MYOF: variants seen among roughly 807,000 people sequenced by gnomAD.
MYOF encodes fer-1-like 3, myoferlin.
In MYOF, 244 loss-of-function variants were observed where a neutral mutation model predicts 284.2. The observed-to-expected ratio is 0.86, with a 90% CI of 0.77 to 0.95. The LOEUF is 0.95. MYOF is among the 40% of genes least tolerant of loss of function. The probability of loss-of-function intolerance (pLI) is 0.00; values close to 1 mark genes in which losing one functional copy is unlikely to be tolerated. For missense variants in MYOF, 2,496 were observed against 2,560.6 expected (o/e 0.97, Z 0.54); for synonymous variants, 904 against 919.7 (o/e 0.98, Z 0.31).
At chr10:93,343,768 T>A in intron 38 of MYOF, 88 bp downstream of exon 38, 1 of 1,338,392 alleles carries the variant, frequency 7.5e-7, no homozygotes, top group South Asian at 1.2e-5. Context: ...TGCAACAAAC[T>A]GTTGTTTGAC....
At position 93,333,745 on chromosome 10, in the gene MYOF, C is replaced by G; in HGVS notation, c.4719+13G>C. 1 of 1,613,360 alleles carries G rather than the reference C, an allele frequency of 6.2e-7. No homozygotes were observed. Among genetic ancestry groups the G allele is most frequent in the African/African-American group, 1.3e-5 (1 of 75,046 alleles). ...TCTTGCTACAGGAGAAGGCCCCACA[C>G]CCAAACTCTTACCAGGCCATTGTTG... On this transcript the variant is annotated intron_variant, in intron 42 of 53. Transcript: ENST00000359263.
rs1431308147 is a variant in MYOF, at chr10:93,349,994, G to A, written c.3922-25C>T. ...TCTATGAAAACGATTTAAAGAGAGG[G>A]GAAGGTAACTCAGCACTTTAAAAAT... On this transcript the variant is annotated intron_variant, in intron 35 of 53. Transcript: ENST00000359263. 6 of 1,604,518 alleles carry A rather than the reference G, an allele frequency of 3.7e-6. No homozygotes were observed. In the East Asian group the frequency reaches 1.1e-4, roughly 30 times the overall value.
rs748134478 is a variant in MYOF, at chr10:93,325,898, C to T, written c.5199G>A (p.Arg1733=). Residue 1733 remains arginine (R), a synonymous_variant, in exon 46 of 54, where the codon AGG becomes AGA. Transcript: ENST00000359263. ...CGTGCTCAGGGACCAGCCCCTGAGT[C>T]CTGAGGATGTGAAGAGCAAGCCGCT... The part of the protein sequence containing the change: ...PEERLALHIL[R]TQGLVPEHVE... 4 of 1,614,052 alleles carry T rather than the reference C, an allele frequency of 2.5e-6. No individual in the cohort carries two copies. The Admixed American group carries it at 6.7e-5, about 27-fold the overall frequency.
intron 25 of MYOF, 55 bp from the exon 26 acceptor site, chr10:93,366,610 C>A: frequency 1.4e-6 from 2 of 1,443,954 alleles, no homozygotes; most frequent in South Asian, 1.3e-5. Context: ...AAAAATAAAG[C>A]TAGCACATAC....
intron 5 of MYOF, among the ~76,000 whole-genome samples, chr10:93,421,909 T>C (rs1402371992): frequency 6.6e-6 from 1 of 152,046 alleles, no homozygotes; most frequent in Non-Finnish European, 1.5e-5. Flanking sequence ...TTGAAACATC[T>C]AGATAGTCGA....
intron 45 of MYOF, among the ~76,000 whole-genome samples, chr10:93,328,150 T>A (rs1439070857): frequency 1.3e-5 from 2 of 152,104 alleles, no homozygotes; most frequent in Non-Finnish European, 2.9e-5. Flanking sequence ...TTTGTTCAGC[T>A]CCCCCTGGAT....
chr10:93,456,518 G>A (rs2056747725), intron 2 of MYOF, among the ~76,000 whole-genome samples: 2 of 152,128 alleles, frequency 1.3e-5, no homozygotes, highest in African/African-American at 4.8e-5. Context: ...TTAATTATGA[G>A]GCCTTCCTTC....
intron 38 of MYOF, among the ~76,000 whole-genome samples, chr10:93,342,125 T>C (rs1306705764): frequency 6.6e-6 from 1 of 152,200 alleles, no homozygotes; most frequent in African/African-American, 2.4e-5. Context: ...CACAGAGTAA[T>C]GCCATGAGTT....
At chr10:93,407,267 A>T (rs1241316505) in intron 7 of MYOF, among the ~76,000 whole-genome samples, 1 of 151,736 alleles carries the variant, frequency 6.6e-6, no homozygotes, top group African/African-American at 2.4e-5. Flanking sequence ...CTTTACTAAA[A>T]ATACAAATAT....
intron 21 of MYOF, among the ~76,000 whole-genome samples, chr10:93,378,699 A>ATATATATATATATATATATG (rs1441321801): frequency 1.1e-5 from 1 of 93,314 alleles, no homozygotes; most frequent in African/African-American, 4.6e-5. Flanking sequence ...GTGTGTATAT[A>ATATATATATATATATATATG]TATATATATA....
intron 1 of MYOF, among the ~76,000 whole-genome samples, chr10:93,481,710 G>A (rs910688609): frequency 6.6e-6 from 1 of 152,182 alleles, no homozygotes; most frequent in Non-Finnish European, 1.5e-5. Context: ...AGGAGTAATG[G>A]TGTCTCCAAC....
chr10:93,406,789 G>A (rs1196545846), intron 7 of MYOF, among the ~76,000 whole-genome samples: 2 of 151,932 alleles, frequency 1.3e-5, no homozygotes, highest in Non-Finnish European at 2.9e-5. Context: ...TGAACGAAGA[G>A]GAAGAAATAG....
intron 37 of MYOF, among the ~76,000 whole-genome samples, chr10:93,346,676 A>G (rs1844195940): frequency 6.6e-6 from 1 of 152,246 alleles, no homozygotes; most frequent in Admixed American, 6.5e-5. Context: ...AAGCAATCTG[A>G]AATAAAATCT....
At chr10:93,333,951 G>A (rs561068673) in intron 41 of MYOF, 38 bp from the exon 42 acceptor site, 2 of 1,598,114 alleles carry the variant, frequency 1.3e-6, no homozygotes, top group South Asian at 2.3e-5. Flanking sequence ...AGGGCCCTGG[G>A]TGGCCCAGGT....
At chr10:93,446,064 A>G (rs991983726) in intron 3 of MYOF, among the ~76,000 whole-genome samples, 2 of 152,152 alleles carry the variant, frequency 1.3e-5, no homozygotes, top group Admixed American at 1.3e-4. Context: ...AGGTGTGTGT[A>G]TTGGTTAGTT....
chr10:93,401,171 A>T (rs867369091), intron 12 of MYOF, among the ~76,000 whole-genome samples: 10 of 152,278 alleles, frequency 6.6e-5, no homozygotes, highest in Middle Eastern at 3.4e-3. Flanking sequence ...TAGAATAGCA[A>T]GAGAGAGAGT....
At chr10:93,434,643 C>T (rs1041222031) in intron 3 of MYOF, among the ~76,000 whole-genome samples, 5 of 151,930 alleles carry the variant, frequency 3.3e-5, no homozygotes, top group African/African-American at 1.2e-4. Flanking sequence ...CTACATGTTA[C>T]AAAACCATAA....
chr10:93,435,084 C>T (rs915268716), intron 3 of MYOF, among the ~76,000 whole-genome samples: 1 of 152,098 alleles, frequency 6.6e-6, no homozygotes, highest in South Asian at 2.1e-4. Flanking sequence ...TGTCTAAATG[C>T]GATGAAAGAT....
intron 5 of MYOF, among the ~76,000 whole-genome samples, chr10:93,420,257 C>T (rs190808837): frequency 9.3e-4 from 141 of 152,278 alleles, no homozygotes; most frequent in African/African-American, 3.3e-3. Context: ...CAAAAATAGA[C>T]GTGAGATTTT....
Sources: gnomAD v4.1 joint callset for allele counts (sites outside exome capture counted in the v4.1 genomes callset) on GRCh38, gnomAD v4.1.1 for gene constraint, MANE v1.5 for transcripts, NCBI Gene and HGNC (gene_info 2026-07-23, HGNC 2026-07-21) for gene names.